CSMD1: variants seen among roughly 807,000 people sequenced by gnomAD.
CSMD1 encodes the protein CUB and Sushi multiple domains 1.
CSMD1 carries 213 observed loss-of-function variants against 417.5 expected under a neutral mutation model. The observed-to-expected ratio is 0.51, with a 90% CI of 0.46 to 0.57. The LOEUF is 0.57. Among genes scored for constraint, CSMD1 ranks in the 20% least tolerant of loss-of-function variants. The pLI is 0.00. For synonymous variants in CSMD1, 2,862 were observed against 1,736.8 expected (o/e 1.65, Z -16.11); for missense variants, 6,923 against 4,529.7 (o/e 1.53, Z -15.17).
Position 2,996,177 on chromosome 8 carries a change from G to A in CSMD1, c.8377+1834C>T, listed in dbSNP as rs193207915. ...AACAGAGAAAAGGAGGACTTTAATG[G>A]GAAAAAAGAGAGAGAATTGATGACA... On this transcript the variant is annotated intron_variant, in intron 54 of 69. Coordinates refer to ENST00000635120, the MANE Select transcript of CSMD1 (RefSeq NM_033225.6). Among the ~76,000 whole-genome samples the A allele has an allele frequency of 1.7e-3, 258 of 148,908 alleles. 3 individuals carry two copies. Among genetic ancestry groups the A allele is most frequent in the African/African-American group, 6.0e-3 (240 of 39,792 alleles).
chr8:3,441,351 G>A (rs1352973433), intron 12 of CSMD1, among the ~76,000 whole-genome samples: 2 of 151,972 alleles, frequency 1.3e-5, no homozygotes, highest in Non-Finnish European at 2.9e-5. Flanking sequence ...TTTGTCAAAT[G>A]CTTTTTGTGC....
Position 3,087,084 on chromosome 8 carries a change from A to G in CSMD1, c.7474+13T>C, listed in dbSNP as rs1814582245. On this transcript the variant is annotated intron_variant, in intron 49 of 69. Transcript: ENST00000635120. ...ACAGGAAACAAGGCTGGGGATGAAAACGCATTTCTTACCCTGGCAGAGTGG... is the reference window on the plus strand; with the variant it reads ...ACAGGAAACAAGGCTGGGGATGAAAGCGCATTTCTTACCCTGGCAGAGTGG... 1 of 1,609,682 alleles carries G rather than the reference A, an allele frequency of 6.2e-7. No individual in the cohort carries two copies. Among genetic ancestry groups the G allele is most frequent in the Non-Finnish European group, 8.5e-7 (1 of 1,177,222 alleles).
chr8:4,462,955 G>A (rs890875685), intron 2 of CSMD1, among the ~76,000 whole-genome samples: 7 of 152,080 alleles, frequency 4.6e-5, no homozygotes, highest in African/African-American at 1.7e-4. Flanking sequence ...GAATTAACTG[G>A]AATTCATCAA....
intron 2 of CSMD1, among the ~76,000 whole-genome samples, chr8:4,424,426 C>T (rs1363272868): frequency 6.6e-6 from 1 of 151,762 alleles, no homozygotes; most frequent in East Asian, 1.9e-4. Flanking sequence ...GGCAAATAAG[C>T]CCACGAATAT....
intron 5 of CSMD1, among the ~76,000 whole-genome samples, chr8:3,899,936 T>C (rs1807617509): frequency 6.6e-6 from 1 of 152,246 alleles, no homozygotes; most frequent in South Asian, 2.1e-4. Flanking sequence ...TATTTATAAC[T>C]TAATTCCCAT....
At chr8:4,317,651 C>A (rs1446784458) in intron 3 of CSMD1, among the ~76,000 whole-genome samples, 2 of 151,750 alleles carry the variant, frequency 1.3e-5, no homozygotes, top group Non-Finnish European at 2.9e-5. Context: ...TATTTACTGA[C>A]AAGCAGGAAG....
At chr8:4,626,716 T>C (rs1802140899) in intron 2 of CSMD1, among the ~76,000 whole-genome samples, 2 of 152,068 alleles carry the variant, frequency 1.3e-5, no homozygotes, top group Admixed American at 6.6e-5. Flanking sequence ...CATCCTGACC[T>C]ACCCTTCAGT....
At chr8:4,277,969 T>G (rs1352587477) in intron 3 of CSMD1, among the ~76,000 whole-genome samples, 3 of 152,054 alleles carry the variant, frequency 2.0e-5, no homozygotes, top group Non-Finnish European at 2.9e-5. Context: ...AGGCTGGTCT[T>G]GAACTCCTAA....
intron 15 of CSMD1, among the ~76,000 whole-genome samples, chr8:3,400,667 A>G (rs1355941989): frequency 2.6e-5 from 4 of 152,006 alleles, no homozygotes; most frequent in Non-Finnish European, 5.9e-5. Flanking sequence ...GTTAAACTTG[A>G]AAAGTGGATA....
intron 1 of CSMD1, among the ~76,000 whole-genome samples, chr8:4,646,158 T>C (rs1315813157): frequency 2.6e-5 from 4 of 152,238 alleles, no homozygotes; most frequent in Non-Finnish European, 5.9e-5. Flanking sequence ...ACTTTTCTTA[T>C]AGAAACATAG....
At chr8:4,234,275 A>C (rs886225545) in intron 3 of CSMD1, among the ~76,000 whole-genome samples, 3 of 152,162 alleles carry the variant, frequency 2.0e-5, no homozygotes, top group African/African-American at 7.2e-5. Flanking sequence ...GACTTACACG[A>C]AGTGATCTAT....
chr8:3,533,491 T>A (rs796440241), intron 10 of CSMD1, among the ~76,000 whole-genome samples: 1 of 152,184 alleles, frequency 6.6e-6, no homozygotes, highest in African/African-American at 2.4e-5. Flanking sequence ...GTATTTGTCC[T>A]GTGAGCAGCT....
At chr8:3,185,743 G>T (rs556663686) in intron 36 of CSMD1, among the ~76,000 whole-genome samples, 1 of 152,252 alleles carries the variant, frequency 6.6e-6, no homozygotes, top group South Asian at 2.1e-4. Context: ...TTTCTAAGCA[G>T]GTTTTACCAA....
chr8:4,861,394 A>G (rs1048060963), intron 1 of CSMD1, among the ~76,000 whole-genome samples: 1 of 152,096 alleles, frequency 6.6e-6, no homozygotes, highest in African/African-American at 2.4e-5. Context: ...TGACTCTATT[A>G]CTACGCTGTA....
At position 4,031,935 on chromosome 8, in the gene CSMD1, A is replaced by G; in HGVS notation, c.580T>C (p.Ser194Pro). ...TCIVSPGNGA[S>P]WDFPAPFCRA... is the part of the protein sequence containing the mutation. ...CAAAAGGGAGCTGGGAAGTCCCACG[A>G]TGCACCATTTCCTGGGCTGACGATG... Residue 194 changes from serine to proline, a missense_variant, in exon 4 of 70, where the codon TCG (serine) becomes CCG (proline). By Grantham distance (74) the Ser-to-Pro change is moderately conservative. Coordinates refer to ENST00000635120, the MANE Select transcript of CSMD1 (RefSeq NM_033225.6). 11 of 1,613,846 alleles carry G rather than the reference A, an allele frequency of 6.8e-6. No individual in the cohort carries two copies. Among genetic ancestry groups the G allele is most frequent in the Non-Finnish European group, 9.3e-6 (11 of 1,179,850 alleles).
At chr8:4,928,187 G>A (rs1302167632) in intron 1 of CSMD1, among the ~76,000 whole-genome samples, 1 of 152,074 alleles carries the variant, frequency 6.6e-6, no homozygotes, top group Non-Finnish European at 1.5e-5. Flanking sequence ...GCACTGCCTG[G>A]AGTGCCCGTC....
chr8:4,556,220 G>C (rs1036170877), intron 2 of CSMD1, among the ~76,000 whole-genome samples: 1 of 152,066 alleles, frequency 6.6e-6, no homozygotes, highest in Non-Finnish European at 1.5e-5. Flanking sequence ...CTTTATATCA[G>C]AAAAGTTAGG....
chr8:4,198,900 T>C (rs1002555060), intron 3 of CSMD1, among the ~76,000 whole-genome samples: 3 of 152,126 alleles, frequency 2.0e-5, no homozygotes, highest in Non-Finnish European at 4.4e-5. Flanking sequence ...AAAACTATTT[T>C]TACTTTCCTT....
intron 25 of CSMD1, among the ~76,000 whole-genome samples, chr8:3,287,704 T>G (rs1460436195): frequency 6.6e-6 from 1 of 152,198 alleles, no homozygotes; most frequent in Non-Finnish European, 1.5e-5. Flanking sequence ...GATTTGGGGC[T>G]GAGACGATGG....
Sources: allele counts gnomAD v4.1 joint callset (sites outside exome capture counted in the v4.1 genomes callset), GRCh38; gene constraint gnomAD v4.1.1; transcripts MANE v1.5; gene names NCBI Gene and HGNC (gene_info 2026-07-23, HGNC 2026-07-21).